Variants in ARMC3 observed in about 807,000 individuals in gnomAD.
ARMC3 encodes the protein armadillo repeat containing 3, also known as armadillo repeat-containing protein 3.
A neutral mutation model predicts 90.3 loss-of-function variants in ARMC3; 74 were observed. The observed-to-expected ratio is 0.82, with a 90% CI of 0.68 to 0.99. The LOEUF (loss-of-function observed/expected upper bound fraction) is 0.99, where lower values mean the gene tolerates loss of function less well. Among genes scored for constraint, ARMC3 ranks in the 50% least tolerant of loss-of-function variants. The pLI, the probability that ARMC3 is intolerant of heterozygous loss-of-function variation, is 0.00. For missense variants in ARMC3, 958 were observed against 1,042.8 expected (o/e 0.92, Z 1.12); for synonymous variants, 334 against 361.8 (o/e 0.92, Z 0.87).
chr10:23,019,025 A>G (rs1838402601), intron 16 of ARMC3, among the ~76,000 whole-genome samples: 1 of 152,182 alleles, frequency 6.6e-6, no homozygotes, highest in Non-Finnish European at 1.5e-5. Context: ...GTCCAGCCTC[A>G]CTGCTGGTTC....
intron 16 of ARMC3, among the ~76,000 whole-genome samples, chr10:23,010,561 T>C (rs111068300): frequency 0.49 from 43,307 of 87,854 alleles, 12,754 homozygotes; most frequent in Non-Finnish European, 0.61. Flanking sequence ...TCTTTTCCCT[T>C]CCCTTCTCTC....
intron 18 of ARMC3, among the ~76,000 whole-genome samples, chr10:23,036,876 G>A (rs751833139): frequency 3.3e-5 from 5 of 152,152 alleles, no homozygotes; most frequent in Non-Finnish European, 7.4e-5. Context: ...AAGAGCCCCC[G>A]CCCCAGGGTG....
chr10:22,995,205 T>C (rs1836895710), intron 10 of ARMC3, among the ~76,000 whole-genome samples: 1 of 152,152 alleles, frequency 6.6e-6, no homozygotes, highest in Non-Finnish European at 1.5e-5. Context: ...TAAACAGAAT[T>C]AATTCAATTC....
intron 16 of ARMC3, among the ~76,000 whole-genome samples, chr10:23,023,842 C>T (rs1236405649): frequency 1.3e-5 from 2 of 151,924 alleles, no homozygotes; most frequent in African/African-American, 4.8e-5. Context: ...ATGAACAAAG[C>T]CTCAAGGACT....
At chr10:22,974,244 C>T (rs1228253088) in intron 8 of ARMC3, among the ~76,000 whole-genome samples, 2 of 151,950 alleles carry the variant, frequency 1.3e-5, no homozygotes, top group African/African-American at 2.4e-5. Flanking sequence ...TTAAAAGAGA[C>T]AAATGAAGGA....
chr10:22,986,618 G>A (rs926860385), intron 10 of ARMC3, among the ~76,000 whole-genome samples: 2 of 144,602 alleles, frequency 1.4e-5, no homozygotes, highest in South Asian at 4.4e-4. Flanking sequence ...AAACCCAAAA[G>A]TAAAAGAAAA....
intron 6 of ARMC3, chr10:22,960,858 A>C (rs1380219389): frequency 6.6e-6 from 1 of 152,284 alleles, no homozygotes; most frequent in African/African-American, 2.4e-5. Context: ...AGCTTCATGT[A>C]GTGGCCATCC....
At chr10:22,951,811 T>G (rs760403204) in intron 3 of ARMC3, among the ~76,000 whole-genome samples, 5 of 152,144 alleles carry the variant, frequency 3.3e-5, no homozygotes, top group Non-Finnish European at 5.9e-5. Flanking sequence ...ACCAGTAATC[T>G]CAGCTTCTAT....
chr10:22,953,539 AAAGAT>A (rs1482810284), intron 3 of ARMC3, among the ~76,000 whole-genome samples: 6 of 151,742 alleles, frequency 4.0e-5, no homozygotes, highest in Admixed American at 2.0e-4. Flanking sequence ...CTCCCTAATA[AAAGAT>A]ATCTACAAAA....
intron 18 of ARMC3, among the ~76,000 whole-genome samples, chr10:23,036,202 T>G (rs1839122005): frequency 6.6e-6 from 1 of 152,190 alleles, no homozygotes; most frequent in South Asian, 2.1e-4. Context: ...TCTACCCCAC[T>G]GAACTATGAG....
chr10:22,938,964 C>G (rs1001561885), intron 2 of ARMC3, among the ~76,000 whole-genome samples: 1 of 152,128 alleles, frequency 6.6e-6, no homozygotes, highest in African/African-American at 2.4e-5. Flanking sequence ...ATAAAACTCT[C>G]AAGAAGTCCT....
chr10:22,957,851 T>G (rs1835013306), intron 4 of ARMC3, among the ~76,000 whole-genome samples: 1 of 152,214 alleles, frequency 6.6e-6, no homozygotes, highest in Admixed American at 6.5e-5. Context: ...AGGGAAGATT[T>G]TTTTATTTCT....
intron 16 of ARMC3, among the ~76,000 whole-genome samples, chr10:23,027,986 A>T (rs922023156): frequency 5.9e-5 from 9 of 152,118 alleles, no homozygotes; most frequent in South Asian, 2.1e-4. Context: ...ACAAAAAAAT[A>T]AAAAAATTAG....
chr10:23,015,452 T>C (rs1838230653), intron 16 of ARMC3, among the ~76,000 whole-genome samples: 1 of 152,256 alleles, frequency 6.6e-6, no homozygotes, highest in African/African-American at 2.4e-5. Context: ...ACTAGATCTG[T>C]TTGTGAAATG....
chr10:22,985,237 G>A (rs1704604962), intron 10 of ARMC3, among the ~76,000 whole-genome samples: 1 of 151,836 alleles, frequency 6.6e-6, no homozygotes, highest in South Asian at 2.1e-4. Flanking sequence ...TTAAACTTTG[G>A]TGGGGAAAGT....
rs1049892429 is a variant in ARMC3, at chr10:22,928,118, C to T, written c.-2+12C>T. 3.3e-5 allele frequency: 5 copies of T among 152,664 alleles called. No homozygotes were observed. The highest frequency in any genetic ancestry group is 1.2e-4 in the African/African-American group (5 of 41,474). The allele number at this position is 152,664 out of a possible 1,614,324, so 9.5% of individuals were successfully genotyped here. On this transcript the variant is annotated intron_variant, in intron 1 of 18. Transcript: ENST00000298032. Reference sequence around the variant, plus strand: ...GGATCTCCCGGCAGGTAAAGGTAACCCCGTGGGGTGGGGAGGCCCAAGGCA... The same window carrying T: ...GGATCTCCCGGCAGGTAAAGGTAACTCCGTGGGGTGGGGAGGCCCAAGGCA...
Position 22,961,700 on chromosome 10 carries a change from TTAAAA to T in ARMC3, c.538-179_538-175del, listed in dbSNP as rs1588847578. Reference sequence around the variant, plus strand: ...TGTAGACAATGTCTACATATTACAGTTAAAATAAATTTTGATGTTGTCAATTGAAA... The same window carrying T: ...TGTAGACAATGTCTACATATTACAGTTAAATTTTGATGTTGTCAATTGAAA... On this transcript the variant is annotated intron_variant, in intron 6 of 18. Coordinates refer to ENST00000298032, the MANE Select transcript of ARMC3 (RefSeq NM_173081.5). 7 of 558,524 alleles carry T rather than the reference TTAAAA, an allele frequency of 1.3e-5. No homozygotes were observed. The East Asian group carries it at 2.1e-4, about 17-fold the overall frequency. The allele number at this position is 558,524 out of a possible 1,614,324, so 34.6% of individuals were successfully genotyped here. A position where few individuals can be genotyped will look rare whatever the true frequency, so the allele number is the denominator to read the frequency against.
chr10:23,018,496 T>C (rs371022984), intron 16 of ARMC3, among the ~76,000 whole-genome samples: 9 of 150,994 alleles, frequency 6.0e-5, no homozygotes, highest in African/African-American at 1.5e-4. Context: ...TATCATTTAT[T>C]AGACTTGCAC....
intron 10 of ARMC3, among the ~76,000 whole-genome samples, chr10:22,991,468 G>A (rs1564376621): frequency 6.8e-6 from 1 of 147,566 alleles, no homozygotes; most frequent in Non-Finnish European, 1.5e-5. Flanking sequence ...TTTGTTTTAG[G>A]TTTTTTTTTT....
Sources: allele counts gnomAD v4.1 joint callset (sites outside exome capture counted in the v4.1 genomes callset), GRCh38; gene constraint gnomAD v4.1.1; transcripts MANE v1.5; gene names NCBI Gene and HGNC (gene_info 2026-07-23, HGNC 2026-07-21).